The following GRB14 variants were observed in gnomAD, a reference collection of about 807,000 sequenced individuals.
GRB14 encodes the protein growth factor receptor-bound protein 14.
GRB14 carries 38 observed loss-of-function variants against 69.1 expected under a neutral mutation model. The observed-to-expected ratio is 0.55, with a 90% CI of 0.42 to 0.72. The LOEUF (loss-of-function observed/expected upper bound fraction) is 0.72, where lower values mean the gene tolerates loss of function less well. GRB14 is among the 30% of genes least tolerant of loss of function. GRB14 has a pLI of 0.00. For synonymous variants in GRB14, 247 were observed against 241.3 expected (o/e 1.02, Z -0.22); for missense variants, 666 against 666.1 (o/e 1.00, Z 0.00).
At chr2:164,494,396 T>G (rs756296117) in intron 13 of GRB14, 35 bp downstream of exon 13, 2 of 1,125,344 alleles carry the variant, frequency 1.8e-6, no homozygotes, top group Non-Finnish European at 2.7e-6. Context: ...TAAGGTCATT[T>G]CTAATACACA....
intron 2 of GRB14, among the ~76,000 whole-genome samples, chr2:164,577,850 C>T (rs1689289856): frequency 6.6e-6 from 1 of 152,072 alleles, no homozygotes; most frequent in African/African-American, 2.4e-5. Context: ...TACCTAACAC[C>T]ATACTCTAAA....
chr2:164,612,548 A>G (rs1172005763), intron 2 of GRB14, among the ~76,000 whole-genome samples: 1 of 152,188 alleles, frequency 6.6e-6, no homozygotes, highest in African/African-American at 2.4e-5. Context: ...CTTTATCTGT[A>G]ATGTCAAAAG....
chr2:164,524,270 T>C (rs1687711944), intron 5 of GRB14, among the ~76,000 whole-genome samples: 1 of 152,032 alleles, frequency 6.6e-6, no homozygotes, highest in Admixed American at 6.6e-5. Context: ...AAGACATTGC[T>C]CAACATTAAC....
chr2:164,535,902 C>A (rs1415795217), intron 3 of GRB14, among the ~76,000 whole-genome samples: 1 of 152,182 alleles, frequency 6.6e-6, no homozygotes, highest in Non-Finnish European at 1.5e-5. Context: ...CCAATTAACT[C>A]CGACCCAACC....
intron 2 of GRB14, chr2:164,573,907 T>C: frequency 6.2e-7 from 1 of 1,612,302 alleles, no homozygotes; most frequent in Non-Finnish European, 8.5e-7. Context: ...AATTAGGTCA[T>C]GTGGTTATGG....
chr2:164,556,637 T>C (rs1293289767), intron 2 of GRB14, among the ~76,000 whole-genome samples: 1 of 152,188 alleles, frequency 6.6e-6, no homozygotes, highest in Non-Finnish European at 1.5e-5. Flanking sequence ...ACGGTTTCCC[T>C]ACCCTCTACT....
intron 9 of GRB14, among the ~76,000 whole-genome samples, chr2:164,498,960 C>G (rs1381921111): frequency 6.6e-6 from 1 of 152,090 alleles, no homozygotes; most frequent in African/African-American, 2.4e-5. Flanking sequence ...CAGATGCTGT[C>G]TCTGTAATCT....
intron 2 of GRB14, among the ~76,000 whole-genome samples, chr2:164,581,006 A>G (rs1002213472): frequency 3.3e-5 from 5 of 152,196 alleles, no homozygotes; most frequent in Non-Finnish European, 7.3e-5. Context: ...ACTTTCTTCT[A>G]CGGATCTACT....
At chr2:164,619,579 G>T in intron 2 of GRB14, 108 bp downstream of exon 2, 1 of 697,294 alleles carries the variant, frequency 1.4e-6, no homozygotes, top group Non-Finnish European at 2.4e-6. Flanking sequence ...TTATTTAACA[G>T]AGCCCATGCT....
intron 2 of GRB14, among the ~76,000 whole-genome samples, chr2:164,549,914 AAAAT>A (rs1688491151): frequency 6.8e-6 from 1 of 146,360 alleles, no homozygotes; most frequent in South Asian, 2.1e-4. Flanking sequence ...AAAATAAAAT[AAAAT>A]AAAATAAAAT....
At chr2:164,514,917 G>C (rs1250669919) in intron 6 of GRB14, among the ~76,000 whole-genome samples, 2 of 152,134 alleles carry the variant, frequency 1.3e-5, no homozygotes, top group African/African-American at 4.8e-5. Context: ...CAGGAGCTGC[G>C]TGAGGCCTGT....
At chr2:164,600,040 T>G (rs1689876967) in intron 2 of GRB14, among the ~76,000 whole-genome samples, 2 of 152,192 alleles carry the variant, frequency 1.3e-5, no homozygotes, top group African/African-American at 4.8e-5. Context: ...TCTTTAATAG[T>G]CTAAATTAAA....
Position 164,525,032 on chromosome 2 carries a change from C to T in GRB14, c.650G>A (p.Gly217Asp). ...HMVSFATETN[G>D]EISPTQILQM... is the part of the protein sequence containing the mutation. ...CAAAATCTGTGTGGGGGATATTTCA[C>T]CATTGGTTTCAGTTGCAAAAGATAC... The change falls in exon 5 of 14, where the codon GGT becomes GAT. Residue 217 changes from glycine to aspartate, a missense_variant. By Grantham distance (94) the Gly-to-Asp change is moderately conservative. Transcript: ENST00000263915. 1.9e-6 allele frequency: 3 copies of T among 1,591,564 alleles called. No individual in the cohort carries two copies. The highest frequency in any genetic ancestry group is 1.7e-4 in the Middle Eastern group (1 of 5,974).
chr2:164,617,911 C>T lies in GRB14; in HGVS notation c.324+1776G>A, dbSNP rs1690338379. Among the ~76,000 whole-genome samples, 2 of 137,262 alleles carry T rather than the reference C, an allele frequency of 1.5e-5. 1 individual carries two copies. The highest frequency in any genetic ancestry group is 4.6e-4 in the South Asian group (2 of 4,390). 90.0% of individuals were successfully genotyped at this position (137,262 alleles called of 152,430 possible). A position where few individuals can be genotyped will look rare whatever the true frequency, so the allele number is the denominator to read the frequency against. ...AGATGACCATTATGTCATCATCAGA[C>T]ATTTCCTTTTCTTACTCTGGCTCAA... On this transcript the variant is annotated intron_variant, in intron 2 of 13. Transcript: ENST00000263915.
chr2:164,555,284 G>A (rs4667465), intron 2 of GRB14, among the ~76,000 whole-genome samples: 118,570 of 152,162 alleles, frequency 0.78, 46,724 homozygotes, highest in African/African-American at 0.83. Flanking sequence ...AGAATGTCAC[G>A]GAGCAGAAGA....
intron 9 of GRB14, among the ~76,000 whole-genome samples, chr2:164,500,326 G>T (rs1687017164): frequency 6.6e-6 from 1 of 151,966 alleles, no homozygotes; most frequent in African/African-American, 2.4e-5. Flanking sequence ...TATGGTTTGA[G>T]AATTTTTTTT....
In GRB14 at chr2:164,621,093, C is replaced by G; in HGVS notation, c.191+26G>C. ...TCGCCGGCTGCCCAGCCAGGACACTCCCCCGCGCCCTCCAGGGTTGCCTAC... is the reference window on the plus strand; with the variant it reads ...TCGCCGGCTGCCCAGCCAGGACACTGCCCCGCGCCCTCCAGGGTTGCCTAC... On this transcript the variant is annotated intron_variant, in intron 1 of 13. Coordinates refer to ENST00000263915, the MANE Select transcript of GRB14 (RefSeq NM_004490.3). This position sits in a 1 kb window ranked among gnomAD's most constrained non-coding sequence, Gnocchi z 6.0. 8.0e-7 allele frequency: 1 copy of G among 1,245,646 alleles called. No individual in the cohort carries two copies. The highest frequency in any genetic ancestry group is 1.0e-6 in the Non-Finnish European group (1 of 988,112). 77.2% of individuals were successfully genotyped at this position (1,245,646 alleles called of 1,614,324 possible).
intron 6 of GRB14, among the ~76,000 whole-genome samples, chr2:164,516,356 C>T (rs930406113): frequency 2.0e-5 from 3 of 151,996 alleles, no homozygotes; most frequent in Non-Finnish European, 2.9e-5. Context: ...ACCATGGTGG[C>T]GTGCGCCTGT....
intron 2 of GRB14, among the ~76,000 whole-genome samples, chr2:164,555,503 T>C (rs1688656195): frequency 6.6e-6 from 1 of 152,018 alleles, no homozygotes; most frequent in East Asian, 1.9e-4. Context: ...GAAAAAGATA[T>C]TTGGGCATAG....
Sources: allele counts gnomAD v4.1 joint callset (sites outside exome capture counted in the v4.1 genomes callset), GRCh38; gene constraint gnomAD v4.1.1; non-coding constraint Gnocchi (gnomAD v3.1); transcripts MANE v1.5; gene names NCBI Gene and HGNC (gene_info 2026-07-23, HGNC 2026-07-21).